ADGRE3: variants seen among roughly 807,000 people sequenced by gnomAD.
ADGRE3 encodes the protein EGF-like module receptor 3.
ADGRE3 carries 88 observed loss-of-function variants against 80.1 expected under a neutral mutation model. That is an observed-to-expected ratio of 1.10 (90% CI 0.93 to 1.31). The LOEUF (loss-of-function observed/expected upper bound fraction) is 1.31, where lower values mean the gene tolerates loss of function less well. ADGRE3 is among the 40% of genes most tolerant of loss of function. The pLI is 0.00. For missense variants in ADGRE3, 715 were observed against 776.5 expected, an observed-to-expected ratio of 0.92 and a Z score of 0.94; for synonymous variants, 281 against 294.8, an observed-to-expected ratio of 0.95 and a Z score of 0.48.
chr19:14,644,095 A>G lies in ADGRE3; in HGVS notation c.1050+13T>C, dbSNP rs747232328. ...AAAGTATTTGCTGGAAGAATAAAAC[A>G]TATACATCATACCTGGCTGGTCAGG... On this transcript the variant is annotated intron_variant, in intron 9 of 15. Transcript: ENST00000253673. 4 of 1,465,526 alleles carry G rather than the reference A, an allele frequency of 2.7e-6. No homozygotes were observed. The highest frequency in any genetic ancestry group is 1.5e-5 in the African/African-American group (1 of 68,822). 90.8% of individuals were successfully genotyped at this position (1,465,526 alleles called of 1,614,324 possible). A position where few individuals can be genotyped will look rare whatever the true frequency, so the allele number is the denominator to read the frequency against.
At chr19:14,610,341 C>A in the ADGRE3 span, 1 of 1,134,142 alleles carries the variant, frequency 8.8e-7, no homozygotes, top group Non-Finnish European at 1.2e-6. Flanking sequence ...GCAGCAAGTT[C>A]CCAGGGGTGC....
intron 7 of ADGRE3, among the ~76,000 whole-genome samples, chr19:14,647,772 G>A (rs1971456841): frequency 6.6e-6 from 1 of 151,512 alleles, no homozygotes; most frequent in Non-Finnish European, 1.5e-5. Context: ...GTGATCCCTG[G>A]AGGATTCGTT....
rs573011676 is a variant in ADGRE3 at position 14,660,244 on chromosome 19, A to C, written c.356-1694T>G. 3.9e-5 allele frequency among the ~76,000 whole-genome samples: 6 copies of C among 152,334 alleles called. No homozygotes were observed. In the East Asian group the frequency reaches 9.6e-4, roughly 24 times the overall value. ...AAGGCATTTTCCTTTTTTGTAAAATAAGACAAGTTTAAGAGATTAACATCA... is the reference window on the plus strand; with the variant it reads ...AAGGCATTTTCCTTTTTTGTAAAATCAGACAAGTTTAAGAGATTAACATCA... On this transcript the variant is annotated intron_variant, in intron 4 of 15. Coordinates refer to ENST00000253673, the MANE Select transcript of ADGRE3 (RefSeq NM_032571.5).
At chr19:14,607,055 C>T in the ADGRE3 span, 2 of 1,355,744 alleles carry the variant, frequency 1.5e-6, no homozygotes, top group South Asian at 1.8e-5. Flanking sequence ...ATGACAGGGC[C>T]CAGGAAGGGG....
At chr19:14,649,580 T>C (rs1237674956) in intron 7 of ADGRE3, among the ~76,000 whole-genome samples, 2 of 115,988 alleles carry the variant, frequency 1.7e-5, no homozygotes, top group African/African-American at 3.3e-5. Context: ...CTCCATCTCT[T>C]TCTCCTCATC....
At chr19:14,643,664 T>C (rs543016516) in intron 9 of ADGRE3, among the ~76,000 whole-genome samples, 1 of 152,222 alleles carries the variant, frequency 6.6e-6, no homozygotes, top group East Asian at 1.9e-4. Context: ...CACTGGAAGC[T>C]TGCACCAGGT....
chr19:14,616,390 ATG>A (rs2075075483), downstream of ADGRE3, among the ~76,000 whole-genome samples: 1 of 152,046 alleles, frequency 6.6e-6, no homozygotes, highest in Non-Finnish European at 1.5e-5. Flanking sequence ...TGATGATGCT[ATG>A]GGATGAGTGT....
intron 10 of ADGRE3, among the ~76,000 whole-genome samples, chr19:14,640,777 T>C (rs927550119): frequency 6.6e-6 from 1 of 152,184 alleles, no homozygotes; most frequent in Non-Finnish European, 1.5e-5. Context: ...TTTCCCCATA[T>C]TGTTCTCGTG....
chr19:14,673,295 A>T (rs1001650376), intron 1 of ADGRE3, among the ~76,000 whole-genome samples: 1 of 152,244 alleles, frequency 6.6e-6, no homozygotes, highest in Non-Finnish European at 1.5e-5. Flanking sequence ...TGCAGATGCT[A>T]TGTGACAATG....
the ADGRE3 span, among the ~76,000 whole-genome samples, chr19:14,611,676 T>C: frequency 6.6e-6 from 1 of 152,142 alleles, no homozygotes; most frequent in African/African-American, 2.4e-5. Flanking sequence ...GCCCTTGAGC[T>C]ATCTGTGGGT....
chr19:14,618,225 A>G (rs1012394550), downstream of ADGRE3, among the ~76,000 whole-genome samples: 10 of 152,116 alleles, frequency 6.6e-5, no homozygotes, highest in Admixed American at 6.6e-4. Flanking sequence ...ATTACCTCAT[A>G]TAACTTTTTT....
In ADGRE3 at chr19:14,636,177, CTTCCTCTT is replaced by C. The variant is rs1971076499; in HGVS notation, c.1484+1920_1484+1927del. 2.4e-4 allele frequency among the ~76,000 whole-genome samples: 5 copies of C among 20,576 alleles called. 1 individual carries two copies. The highest frequency in any genetic ancestry group is 7.8e-4 in the African/African-American group (4 of 5,138). 13.5% of individuals were successfully genotyped at this position (20,576 alleles called of 152,430 possible). On this transcript the variant is annotated intron_variant, in intron 11 of 15. Coordinates refer to ENST00000253673, the MANE Select transcript of ADGRE3 (RefSeq NM_032571.5). The stretch of plus-strand genomic sequence containing the variant: ...TCCTTTCCTCCTTTCCTTTCCTTTC[CTTCCTCTT>C]TCTTTCTTTCTTTCTTTCTTTTCTT...
At chr19:14,600,327 G>A in the ADGRE3 span, 46 of 997,692 alleles carry the variant, frequency 4.6e-5, no homozygotes, top group Admixed American at 1.9e-4. Flanking sequence ...CTCTTCCTAA[G>A]GTAGTATCAT....
intron 13 of ADGRE3, among the ~76,000 whole-genome samples, chr19:14,632,392 G>C (rs1970910074): frequency 6.6e-6 from 1 of 151,988 alleles, no homozygotes; most frequent in Non-Finnish European, 1.5e-5. Flanking sequence ...TTTAGTGTTA[G>C]ATCTCTTCCC....
At chr19:14,651,800 G>T (rs1971615178) in intron 6 of ADGRE3, among the ~76,000 whole-genome samples, 1 of 152,082 alleles carries the variant, frequency 6.6e-6, no homozygotes, top group Non-Finnish European at 1.5e-5. Flanking sequence ...CCAGCACTTT[G>T]GGAGGCCATG....
chr19:14,629,385 T>A (rs1209511831), intron 14 of ADGRE3, among the ~76,000 whole-genome samples: 1 of 152,176 alleles, frequency 6.6e-6, no homozygotes, highest in Non-Finnish European at 1.5e-5. Context: ...CCTTTGTAGT[T>A]GTATTACACT....
intron 14 of ADGRE3, among the ~76,000 whole-genome samples, chr19:14,625,925 C>T (rs1022108718): frequency 6.6e-6 from 1 of 151,838 alleles, no homozygotes; most frequent in Non-Finnish European, 1.5e-5. Context: ...GTTTCCAGGG[C>T]CTGGGGGGAA....
intron 1 of ADGRE3, among the ~76,000 whole-genome samples, chr19:14,670,020 C>T (rs536641584): frequency 6.6e-6 from 1 of 152,178 alleles, no homozygotes; most frequent in South Asian, 2.1e-4. Context: ...CACCATTATG[C>T]ATGTAATATC....
the ADGRE3 span, among the ~76,000 whole-genome samples, chr19:14,600,914 T>C: frequency 8.4e-6 from 1 of 119,408 alleles, no homozygotes; most frequent in African/African-American, 4.0e-5. Flanking sequence ...TTTTTTTTTT[T>C]TTTTTTGAGA....
Sources: gnomAD v4.1 joint callset for allele counts (sites outside exome capture counted in the v4.1 genomes callset) on GRCh38, gnomAD v4.1.1 for gene constraint, MANE v1.5 for transcripts, NCBI Gene and HGNC (gene_info 2026-07-23, HGNC 2026-07-21) for gene names.